The following PAQR8 variants were observed in gnomAD, a reference collection of about 807,000 sequenced individuals.
PAQR8 encodes the protein membrane progestin receptor beta.
A neutral mutation model predicts 25.2 loss-of-function variants in PAQR8; 17 were observed. The observed-to-expected ratio is 0.67, with a 90% CI of 0.46 to 1.01. The LOEUF is 1.01. PAQR8 is among the 50% of genes least tolerant of loss of function. The pLI is 0.00. For synonymous variants in PAQR8, 204 were observed against 190.6 expected (o/e 1.07, Z -0.58); for missense variants, 392 against 448.4 (o/e 0.87, Z 1.14).
chr6:52,365,296 G>C (rs1763338685), intron 1 of PAQR8, among the ~76,000 whole-genome samples: 1 of 151,858 alleles, frequency 6.6e-6, no homozygotes, highest in Non-Finnish European at 1.5e-5. Context: ...AAAATGTACT[G>C]AACATATCCC....
chr6:52,371,990 C>A (rs573955666), intron 1 of PAQR8, among the ~76,000 whole-genome samples: 31 of 152,182 alleles, frequency 2.0e-4, no homozygotes, highest in Non-Finnish European at 3.5e-4. Flanking sequence ...GGGTGGAGTT[C>A]CCTGTCTGTC....
intron 1 of PAQR8, among the ~76,000 whole-genome samples, chr6:52,380,313 C>T (rs775109460): frequency 2.0e-5 from 3 of 152,104 alleles, no homozygotes; most frequent in South Asian, 2.1e-4. Context: ...AGGGTCCACC[C>T]GTGGTATGGC....
rs144570038 is a variant in PAQR8, at chr6:52,378,968, G to C, written c.-53+16719G>C. On this transcript the variant is annotated intron_variant, in intron 1 of 1. Transcript: ENST00000442253. The stretch of plus-strand genomic sequence containing the variant: ...AAAAATTAGCCAGGCATGGTGGTGG[G>C]CGCCTGTAGTCCCAGCTACTCGGGA... Among the ~76,000 whole-genome samples, 978 of 150,818 alleles carry C rather than the reference G, an allele frequency of 6.5e-3. 52 individuals carry two copies. In the East Asian group the frequency reaches 0.14, roughly 21 times the overall value.
intron 1 of PAQR8, among the ~76,000 whole-genome samples, chr6:52,393,481 G>A (rs1763733986): frequency 6.6e-6 from 1 of 151,874 alleles, no homozygotes; most frequent in Non-Finnish European, 1.5e-5. Flanking sequence ...GACTACAGGT[G>A]TGCGCCACCA....
intron 1 of PAQR8, among the ~76,000 whole-genome samples, chr6:52,364,083 G>GATTTTTTTTTTTTTTTT (rs1763322237): frequency 1.2e-5 from 1 of 84,268 alleles, no homozygotes; most frequent in Admixed American, 1.8e-4. Flanking sequence ...TGAAAGATAT[G>GATTTTTTTTTTTTTTTT]TTTTTTTTTT....
rs139194968 is a variant in PAQR8 at position 52,403,648 on chromosome 6, T to G, written c.435T>G (p.Phe145Leu). Residue 145 changes from phenylalanine to leucine, a missense_variant, in exon 2 of 2, where the codon TTT (phenylalanine) becomes TTG (leucine). Phe to Leu is a conservative substitution (Grantham distance 22, BLOSUM62 0). Coordinates refer to ENST00000442253, the MANE Select transcript of PAQR8 (RefSeq NM_133367.5). ...KSELSHYTFY[F>L]VDYVGVSVYQ... is the part of the protein sequence containing the mutation. ...AGCTCTCCCACTACACCTTCTACTT[T>G]GTGGACTATGTTGGCGTGAGCGTTT... is the stretch of plus-strand genomic sequence containing the variant. 81 of 1,614,060 alleles carry G rather than the reference T, an allele frequency of 5.0e-5. No homozygotes were observed. Among genetic ancestry groups the G allele is most frequent in the Non-Finnish European group, 6.5e-5 (77 of 1,180,048 alleles).
chr6:52,380,202 AG>A (rs989569062), intron 1 of PAQR8, among the ~76,000 whole-genome samples: 7 of 152,230 alleles, frequency 4.6e-5, no homozygotes, highest in Admixed American at 4.6e-4. Context: ...TTAAATCAAT[AG>A]GGTGGTTGGG....
chr6:52,397,397 C>T (rs1167598853), intron 1 of PAQR8, among the ~76,000 whole-genome samples: 1 of 152,152 alleles, frequency 6.6e-6, no homozygotes, highest in Non-Finnish European at 1.5e-5. Context: ...TAACACAAGC[C>T]CACTTCCCCC....
intron 1 of PAQR8, among the ~76,000 whole-genome samples, chr6:52,371,718 A>T (rs1390864812): frequency 6.6e-6 from 1 of 152,240 alleles, no homozygotes; most frequent in Non-Finnish European, 1.5e-5. Flanking sequence ...AATAGCTACC[A>T]TGTATTGAGC....
intron 1 of PAQR8, among the ~76,000 whole-genome samples, chr6:52,397,352 C>G (rs1763778286): frequency 6.6e-6 from 1 of 152,208 alleles, no homozygotes; most frequent in South Asian, 2.1e-4. Flanking sequence ...TGCCCCAATT[C>G]TCACTTGTCT....
chr6:52,386,014 C>T (rs1253855183), intron 1 of PAQR8, among the ~76,000 whole-genome samples: 5 of 152,080 alleles, frequency 3.3e-5, no homozygotes, highest in Non-Finnish European at 7.4e-5. Context: ...CAAAAAACAA[C>T]TCAATTAAAA....
intron 1 of PAQR8, among the ~76,000 whole-genome samples, chr6:52,366,073 T>C (rs1384532740): frequency 6.6e-6 from 1 of 152,190 alleles, no homozygotes; most frequent in Non-Finnish European, 1.5e-5. Flanking sequence ...CTGCTGTGTT[T>C]TTTAAACAAT....
At chr6:52,399,060 C>G (rs1274961920) in intron 1 of PAQR8, among the ~76,000 whole-genome samples, 1 of 152,138 alleles carries the variant, frequency 6.6e-6, no homozygotes. Flanking sequence ...TTTTAAAGAT[C>G]TCATTTGTAA....
At position 52,404,112 on chromosome 6, in the gene PAQR8, T is replaced by A; in HGVS notation, c.899T>A (p.Ile300Asn). The A allele has an allele frequency of 6.2e-7, 1 of 1,614,224 alleles. No homozygotes were observed. Among genetic ancestry groups the A allele is most frequent in the Non-Finnish European group, 8.5e-7 (1 of 1,180,022 alleles). Residue 300 changes from isoleucine to asparagine, a missense_variant, in exon 2 of 2, where the codon ATC becomes AAC. Transcript: ENST00000442253. ...TGTACGCTCTCCCAGCTGGAGGCCA[T>A]CCTCCTGGACTACCAGGGGCGGCAG... The part of the protein sequence containing the change: ...SICTLSQLEA[I>N]LLDYQGRQEI...
intron 1 of PAQR8, among the ~76,000 whole-genome samples, chr6:52,388,124 C>G (rs1270783875): frequency 6.6e-6 from 1 of 152,064 alleles, no homozygotes; most frequent in East Asian, 1.9e-4. Flanking sequence ...GCCTGTAATC[C>G]CAGCGCCTTG....
In PAQR8 at chr6:52,403,760, G is replaced by T; in HGVS notation, c.547G>T (p.Ala183Ser). ...GTTCTGGCTTTTCTTCTTGCCAGCA[G>T]CTGCCTTCTGTGGCTGGTTATCTTG... ...DRFWLFFLPA[A>S]AFCGWLSCAG... The change falls in exon 2 of 2, where the codon GCT becomes TCT. Residue 183 changes from alanine to serine, a missense_variant. By Grantham distance (99) the Ala-to-Ser change is moderately conservative (BLOSUM62 1). Coordinates refer to ENST00000442253, the MANE Select transcript of PAQR8 (RefSeq NM_133367.5). The T allele has an allele frequency of 6.2e-7, 1 of 1,614,262 alleles. No homozygotes were observed. Among genetic ancestry groups the T allele is most frequent in the Non-Finnish European group, 8.5e-7 (1 of 1,180,046 alleles).
At position 52,407,150 on chromosome 6, in the gene PAQR8, TTATC is replaced by T. The variant is rs1763920113; in HGVS notation, c.*2874_*2877del. The T allele has an allele frequency of 6.0e-6, 1 of 166,982 alleles. No individual in the cohort carries two copies. The highest frequency in any genetic ancestry group is 2.1e-4 in the South Asian group (1 of 4,828). 10.3% of individuals were successfully genotyped at this position (166,982 alleles called of 1,614,324 possible). On this transcript the variant is annotated 3_prime_UTR_variant, in exon 2 of 2. Coordinates refer to ENST00000442253, the MANE Select transcript of PAQR8 (RefSeq NM_133367.5). The stretch of plus-strand genomic sequence containing the variant: ...CTACTGGAAATTCTGCTGGTTAACT[TTATC>T]TCTCTCTCTCTTAATTTAGACTTTC...
At chr6:52,380,338 A>G (rs1763544912) in intron 1 of PAQR8, among the ~76,000 whole-genome samples, 1 of 152,206 alleles carries the variant, frequency 6.6e-6, no homozygotes, top group African/African-American at 2.4e-5. Flanking sequence ...CTCAGTCAAT[A>G]ATCAAGCTGT....
At chr6:52,376,408 C>T (rs1333327528) in intron 1 of PAQR8, among the ~76,000 whole-genome samples, 2 of 152,118 alleles carry the variant, frequency 1.3e-5, no homozygotes, top group African/African-American at 4.8e-5. Flanking sequence ...GTGTGGTTTT[C>T]TCTTGTTTTA....
Sources: allele counts gnomAD v4.1 joint callset (sites outside exome capture counted in the v4.1 genomes callset), GRCh38; gene constraint gnomAD v4.1.1; transcripts MANE v1.5; gene names NCBI Gene and HGNC (gene_info 2026-07-23, HGNC 2026-07-21).